Variants in C10orf143 observed in about 807,000 individuals in gnomAD.
C10orf143 encodes chromosome 10 open reading frame 143.
chr10:130,080,272 C>T (rs1282772992), intron 1 of C10orf143, among the ~76,000 whole-genome samples: 1 of 152,196 alleles, frequency 6.6e-6, no homozygotes, highest in Non-Finnish European at 1.5e-5. Flanking sequence ...TATCAAGTTA[C>T]ATACTTTCTT....
At chr10:130,036,928 C>T (rs966737817) in intron 3 of C10orf143, among the ~76,000 whole-genome samples, 1 of 152,118 alleles carries the variant, frequency 6.6e-6, no homozygotes, top group Admixed American at 6.5e-5. Context: ...GGGCTGCATG[C>T]CTGACTGTAC....
At chr10:130,036,826 G>A (rs2134718137) in intron 3 of C10orf143, among the ~76,000 whole-genome samples, 1 of 152,224 alleles carries the variant, frequency 6.6e-6, no homozygotes. Context: ...GAACAATGGT[G>A]CCCAGCAGGT....
chr10:130,088,743 G>A (rs1441665636), intron 1 of C10orf143, among the ~76,000 whole-genome samples: 1 of 152,218 alleles, frequency 6.6e-6, no homozygotes, highest in Non-Finnish European at 1.5e-5. Flanking sequence ...ACAAGATTGA[G>A]AAGGCGCCAC....
intron 3 of C10orf143, among the ~76,000 whole-genome samples, chr10:130,049,803 C>A (rs1860716407): frequency 2.0e-5 from 3 of 152,060 alleles, no homozygotes; most frequent in Admixed American, 6.6e-5. Context: ...AATTGGAAGA[C>A]CTCACCAAAA....
At chr10:130,085,301 G>A (rs375724592) in intron 1 of C10orf143, among the ~76,000 whole-genome samples, 3 of 152,130 alleles carry the variant, frequency 2.0e-5, no homozygotes, top group Non-Finnish European at 2.9e-5. Context: ...TAAAACCATC[G>A]TAATCAAGTG....
At chr10:130,093,271 C>T (rs779496915) in intron 1 of C10orf143, among the ~76,000 whole-genome samples, 5 of 152,134 alleles carry the variant, frequency 3.3e-5, no homozygotes, top group Admixed American at 6.6e-5. Context: ...CACTCAAAAC[C>T]GCACAACTAC....
chr10:130,101,849 C>CAAAAAAAAA (rs1413239919), intron 1 of C10orf143, among the ~76,000 whole-genome samples: 1 of 26,926 alleles, frequency 3.7e-5, no homozygotes, highest in South Asian at 8.8e-4. Flanking sequence ...GACTCTGTCT[C>CAAAAAAAAA]AAAAAAAAAA....
chr10:130,050,463 G>A (rs1321977848), intron 3 of C10orf143, among the ~76,000 whole-genome samples: 3 of 152,208 alleles, frequency 2.0e-5, no homozygotes, highest in African/African-American at 7.2e-5. Flanking sequence ...GGTCAAAGCT[G>A]CAGTGAGCCC....
chr10:130,053,326 C>T (rs1050508220), intron 3 of C10orf143, among the ~76,000 whole-genome samples: 1 of 152,238 alleles, frequency 6.6e-6, no homozygotes, highest in Admixed American at 6.5e-5. Flanking sequence ...CTGCCTTGGT[C>T]TCCCAAAGTG....
intron 3 of C10orf143, among the ~76,000 whole-genome samples, chr10:130,076,270 G>A (rs1184063540): frequency 6.6e-6 from 1 of 152,182 alleles, no homozygotes; most frequent in African/African-American, 2.4e-5. Context: ...TGTACTGCGG[G>A]AGGGCTAGAG....
intron 3 of C10orf143, among the ~76,000 whole-genome samples, chr10:130,073,272 T>C (rs1861061286): frequency 6.6e-6 from 1 of 152,198 alleles, no homozygotes; most frequent in Non-Finnish European, 1.5e-5. Flanking sequence ...TGCAACTGTT[T>C]TTATGGCAGG....
chr10:130,092,596 G>A (rs978932709), intron 1 of C10orf143, among the ~76,000 whole-genome samples: 4 of 152,080 alleles, frequency 2.6e-5, no homozygotes, highest in African/African-American at 9.7e-5. Flanking sequence ...TGGGATAAAT[G>A]CCCCCAATTA....
At chr10:130,084,183 AGG>A (rs1861253357) in intron 1 of C10orf143, among the ~76,000 whole-genome samples, 1 of 151,930 alleles carries the variant, frequency 6.6e-6, no homozygotes, top group Non-Finnish European at 1.5e-5. Context: ...GCGTGGTGGC[AGG>A]CACCTGTAGT....
intron 3 of C10orf143, among the ~76,000 whole-genome samples, chr10:130,077,566 G>A (rs1206843335): frequency 6.6e-6 from 1 of 152,228 alleles, no homozygotes; most frequent in Non-Finnish European, 1.5e-5. Context: ...TGGGAGAGTG[G>A]GCAGGCCCAC....
intron 3 of C10orf143, among the ~76,000 whole-genome samples, chr10:130,047,392 C>T (rs1165063472): frequency 6.6e-6 from 1 of 152,190 alleles, no homozygotes; most frequent in Non-Finnish European, 1.5e-5. Context: ...AGCATCAGCA[C>T]AGGGCTTGGG....
intron 1 of C10orf143, among the ~76,000 whole-genome samples, chr10:130,082,303 T>C (rs1284749983): frequency 1.3e-5 from 2 of 152,110 alleles, no homozygotes; most frequent in Non-Finnish European, 2.9e-5. Context: ...TGAGCCACTG[T>C]GCCCAGCAGG....
chr10:130,074,778 A>T (rs1590019148), intron 3 of C10orf143, among the ~76,000 whole-genome samples: 1 of 152,230 alleles, frequency 6.6e-6, no homozygotes, highest in East Asian at 1.9e-4. Context: ...AAATACAAAG[A>T]AAAAATGCAT....
intron 1 of C10orf143, chr10:130,106,005 G>A (rs773090070): frequency 9.0e-6 from 4 of 445,040 alleles, no homozygotes; most frequent in African/African-American, 6.1e-5. Context: ...GCTTGTTGTG[G>A]CCGGGGTTAC....
chr10:130,049,229 C>T (rs532634066), intron 3 of C10orf143, among the ~76,000 whole-genome samples: 15 of 152,300 alleles, frequency 9.8e-5, no homozygotes, highest in African/African-American at 3.4e-4. Flanking sequence ...TCTCCATCCA[C>T]AGGGAAATCA....
Sources: allele counts gnomAD v4.1 joint callset (sites outside exome capture counted in the v4.1 genomes callset), GRCh38; gene constraint gnomAD v4.1.1; transcripts MANE v1.5; gene names NCBI Gene and HGNC (gene_info 2026-07-23, HGNC 2026-07-21).